CAMK2D: variants seen among roughly 807,000 people sequenced by gnomAD.
CAMK2D encodes calcium/calmodulin dependent protein kinase II delta.
In CAMK2D, 37 loss-of-function variants were observed where a neutral mutation model predicts 84.0. The observed-to-expected ratio is 0.44, with a 90% CI of 0.34 to 0.58. The LOEUF (loss-of-function observed/expected upper bound fraction) is 0.58, where lower values mean the gene tolerates loss of function less well. CAMK2D is among the 20% of genes least tolerant of loss of function. The probability of loss-of-function intolerance (pLI) is 0.02; values close to 1 mark genes in which losing one functional copy is unlikely to be tolerated. For synonymous variants in CAMK2D, 202 were observed against 212.5 expected (o/e 0.95, Z 0.43); for missense variants, 448 against 652.5 (o/e 0.69, Z 3.41).
intron 16 of CAMK2D, among the ~76,000 whole-genome samples, chr4:113,480,484 C>A (rs139247901): frequency 1.3e-5 from 2 of 152,180 alleles, no homozygotes; most frequent in East Asian, 3.9e-4. Context: ...TAATACCAAA[C>A]ATTGATGGTA....
chr4:113,687,076 T>C (rs1257398827), intron 2 of CAMK2D, among the ~76,000 whole-genome samples: 1 of 152,200 alleles, frequency 6.6e-6, no homozygotes, highest in East Asian at 1.9e-4. Context: ...TAACCAGCCA[T>C]GAGCACATGC....
chr4:113,670,927 CA>C (rs550687003), intron 2 of CAMK2D, among the ~76,000 whole-genome samples: 35 of 143,652 alleles, frequency 2.4e-4, no homozygotes, highest in East Asian at 8.1e-4. Context: ...GACTCCGTCT[CA>C]AAAAAAAAAA....
At chr4:113,708,648 G>A (rs1292827461) in intron 2 of CAMK2D, among the ~76,000 whole-genome samples, 4 of 152,056 alleles carry the variant, frequency 2.6e-5, no homozygotes, top group African/African-American at 9.7e-5. Context: ...ATTCCTGACA[G>A]TCTACACTCT....
intron 3 of CAMK2D, among the ~76,000 whole-genome samples, chr4:113,623,036 C>A (rs1017813167): frequency 6.6e-6 from 1 of 152,076 alleles, no homozygotes; most frequent in African/African-American, 2.4e-5. Flanking sequence ...ACATGGCCCA[C>A]AAAGCCTAAA....
intron 3 of CAMK2D, among the ~76,000 whole-genome samples, chr4:113,657,547 T>G (rs1045892708): frequency 6.6e-6 from 1 of 152,112 alleles, no homozygotes; most frequent in Non-Finnish European, 1.5e-5. Flanking sequence ...AAGGCAAAAA[T>G]GAATAAATCA....
In CAMK2D at chr4:113,679,645, A is replaced by C. The variant is rs190290236; in HGVS notation, c.161-17873T>G. On this transcript the variant is annotated intron_variant, in intron 2 of 20. Coordinates refer to ENST00000511664, the MANE Select transcript of CAMK2D (RefSeq NM_001321571.2). ...GATTTCAGAACATAAAATAATTTTAAGCAAAACTTCTAAATGTAAACTGTG... is the reference window on the plus strand; with the variant it reads ...GATTTCAGAACATAAAATAATTTTACGCAAAACTTCTAAATGTAAACTGTG... 2.7e-3 allele frequency: 411 copies of C among 153,690 alleles called. 5 individuals carry two copies. Among genetic ancestry groups the C allele is most frequent in the South Asian group, 0.022 (106 of 4,860 alleles). The allele number at this position is 153,690 out of a possible 1,614,324, so 9.5% of individuals were successfully genotyped here.
intron 16 of CAMK2D, among the ~76,000 whole-genome samples, chr4:113,481,078 CT>C (rs2097696127): frequency 6.6e-6 from 1 of 152,188 alleles, no homozygotes; most frequent in South Asian, 2.1e-4. Context: ...GACTAAGACA[CT>C]TTTAAAACAT....
intron 3 of CAMK2D, among the ~76,000 whole-genome samples, chr4:113,641,798 G>C (rs1592353816): frequency 6.6e-6 from 1 of 151,806 alleles, no homozygotes; most frequent in Non-Finnish European, 1.5e-5. Flanking sequence ...ATCTGAGGTC[G>C]GGAGTTCAAG....
At position 113,586,169 on chromosome 4, in the gene CAMK2D, G is replaced by C. The variant is rs57669921; in HGVS notation, c.275+22983C>G. 8.0e-4 allele frequency among the ~76,000 whole-genome samples: 122 copies of C among 152,280 alleles called. 1 individual carries two copies. Among genetic ancestry groups the C allele is most frequent in the African/African-American group, 2.7e-3 (113 of 41,558 alleles). On this transcript the variant is annotated intron_variant, in intron 4 of 20. Coordinates refer to ENST00000511664, the MANE Select transcript of CAMK2D (RefSeq NM_001321571.2). ...AGCTAGCATGTAATTCCCTTGGTGA[G>C]AGTAATTGGTTCAAGGATGAACTAT...
At chr4:113,524,515 C>T (rs1440157412) in intron 8 of CAMK2D, among the ~76,000 whole-genome samples, 1 of 152,078 alleles carries the variant, frequency 6.6e-6, no homozygotes, top group Non-Finnish European at 1.5e-5. Flanking sequence ...ACGTATAAAC[C>T]ACATTTTGTT....
chr4:113,575,964 C>A (rs2098779763), intron 4 of CAMK2D, among the ~76,000 whole-genome samples: 1 of 151,910 alleles, frequency 6.6e-6, no homozygotes. Context: ...AAAAGAGAAG[C>A]CTCACATATT....
At chr4:113,486,638 T>C (rs2097768180) in intron 16 of CAMK2D, among the ~76,000 whole-genome samples, 1 of 152,238 alleles carries the variant, frequency 6.6e-6, no homozygotes, top group Non-Finnish European at 1.5e-5. Flanking sequence ...GGCATGTTTA[T>C]GTTTTTCTTA....
intron 2 of CAMK2D, among the ~76,000 whole-genome samples, chr4:113,734,297 C>T (rs1055575440): frequency 6.6e-6 from 1 of 152,112 alleles, no homozygotes; most frequent in South Asian, 2.1e-4. Flanking sequence ...TAAAATAAAA[C>T]ATTAAATGGG....
intron 2 of CAMK2D, among the ~76,000 whole-genome samples, chr4:113,750,628 T>C (rs1348101495): frequency 1.3e-5 from 2 of 152,068 alleles, no homozygotes; most frequent in Non-Finnish European, 1.5e-5. Flanking sequence ...GCAAAGCGAG[T>C]GCTAAAAGAT....
intron 2 of CAMK2D, among the ~76,000 whole-genome samples, chr4:113,742,044 C>T (rs1008499891): frequency 6.6e-6 from 1 of 152,178 alleles, no homozygotes; most frequent in Non-Finnish European, 1.5e-5. Flanking sequence ...CTGCATGGTA[C>T]TTATCTATCC....
intron 2 of CAMK2D, among the ~76,000 whole-genome samples, chr4:113,685,111 C>G (rs2099355883): frequency 6.6e-6 from 1 of 152,154 alleles, no homozygotes; most frequent in African/African-American, 2.4e-5. Context: ...AGCAGCCTCT[C>G]CAGATGGCAG....
At chr4:113,497,289 T>C (rs1488902480) in intron 16 of CAMK2D, among the ~76,000 whole-genome samples, 1 of 152,088 alleles carries the variant, frequency 6.6e-6, no homozygotes, top group African/African-American at 2.4e-5. Context: ...ACATGGCTAG[T>C]TCAAAAAGAG....
intron 2 of CAMK2D, among the ~76,000 whole-genome samples, chr4:113,716,229 C>T (rs1367355670): frequency 1.3e-5 from 2 of 152,146 alleles, no homozygotes; most frequent in East Asian, 3.8e-4. Context: ...AGTGTGTTGG[C>T]TGTCATGACA....
chr4:113,580,766 G>A (rs1167590023), intron 4 of CAMK2D, among the ~76,000 whole-genome samples: 1 of 152,004 alleles, frequency 6.6e-6, no homozygotes, highest in African/African-American at 2.4e-5. Flanking sequence ...ATGAAATAAT[G>A]TATTCAGGGC....
Sources: allele counts gnomAD v4.1 joint callset (sites outside exome capture counted in the v4.1 genomes callset), GRCh38; gene constraint gnomAD v4.1.1; transcripts MANE v1.5; gene names NCBI Gene and HGNC (gene_info 2026-07-23, HGNC 2026-07-21).